CSMD1: variants seen among roughly 807,000 people sequenced by gnomAD.
CSMD1 encodes CUB and sushi domain-containing protein 1.
Under a neutral mutation model 417.5 loss-of-function variants are expected in CSMD1, and 213 were observed. The ratio of observed to expected loss-of-function variants is 0.51; its 90% CI spans 0.46 to 0.57. The LOEUF is 0.57. Among genes scored for constraint, CSMD1 ranks in the 20% least tolerant of loss-of-function variants. The pLI is 0.00. For missense variants in CSMD1, 6,923 were observed against 4,529.7 expected (o/e 1.53, Z -15.17); for synonymous variants, 2,862 against 1,736.8 (o/e 1.65, Z -16.11).
At chr8:3,951,229 G>A (rs1184604409) in intron 5 of CSMD1, among the ~76,000 whole-genome samples, 3 of 152,142 alleles carry the variant, frequency 2.0e-5, no homozygotes, top group Admixed American at 6.5e-5. Context: ...CTGCACAGGC[G>A]GGCACGGGTC....
intron 3 of CSMD1, among the ~76,000 whole-genome samples, chr8:4,285,261 T>G (rs1282774688): frequency 6.6e-6 from 1 of 152,222 alleles, no homozygotes; most frequent in African/African-American, 2.4e-5. Flanking sequence ...GACTGTAGCC[T>G]TAAATGCCAT....
intron 49 of CSMD1, among the ~76,000 whole-genome samples, chr8:3,074,773 G>C (rs1393134804): frequency 6.6e-6 from 1 of 151,972 alleles, no homozygotes; most frequent in African/African-American, 2.4e-5. Flanking sequence ...TATAATTTTT[G>C]GATATAAAAT....
chr8:4,165,817 C>T (rs113911780), intron 3 of CSMD1, among the ~76,000 whole-genome samples: 43 of 152,220 alleles, frequency 2.8e-4, no homozygotes, highest in African/African-American at 1.0e-3. Context: ...GTCACTCTTA[C>T]TAGGTTGTTG....
In CSMD1 at chr8:3,142,535, C is replaced by T. The variant is rs765416134; in HGVS notation, c.6171G>A (p.Thr2057=). The stretch of plus-strand genomic sequence containing the variant: ...TATAAAAGTGGATGAGGGTTTCATG[C>T]GTTGTGCTCAGCAGGGCCGCGGGGA... ...TDLPAALLST[T]HETLIHFYSD... is the part of the protein sequence containing the mutation. The change falls in exon 41 of 70, where the codon ACG becomes ACA. Residue 2057 remains threonine, a synonymous_variant. Transcript: ENST00000635120. The T allele has an allele frequency of 1.2e-6, 2 of 1,613,892 alleles. No homozygotes were observed. Among genetic ancestry groups the T allele is most frequent in the Admixed American group, 3.3e-5 (2 of 60,008 alleles).
intron 5 of CSMD1, among the ~76,000 whole-genome samples, chr8:3,935,284 T>C (rs1584993969): frequency 1.3e-5 from 2 of 152,346 alleles, no homozygotes; most frequent in East Asian, 3.9e-4. Flanking sequence ...ATAGATACTG[T>C]ATTTGATACA....
chr8:3,176,911 T>G (rs1387659075), intron 37 of CSMD1, among the ~76,000 whole-genome samples: 3 of 151,796 alleles, frequency 2.0e-5, no homozygotes, highest in African/African-American at 4.8e-5. Context: ...CCTGTGTAGG[T>G]GGGACTACAG....
chr8:4,418,216 C>T (rs1370150873), intron 3 of CSMD1, among the ~76,000 whole-genome samples: 1 of 152,044 alleles, frequency 6.6e-6, no homozygotes, highest in African/African-American at 2.4e-5. Flanking sequence ...ACCACAAAAT[C>T]ATTTTCTACA....
intron 2 of CSMD1, among the ~76,000 whole-genome samples, chr8:4,444,664 G>C (rs941802072): frequency 1.3e-5 from 2 of 152,188 alleles, no homozygotes; most frequent in African/African-American, 2.4e-5. Flanking sequence ...GATTGTAATT[G>C]TGATGACATG....
Position 3,087,225 on chromosome 8 carries a change from C to A in CSMD1, c.7346G>T (p.Gly2449Val), listed in dbSNP as rs768668221. The part of the protein sequence containing the change: ...KNGGILNRTA[G>V]AVGSKVHYFC... ...ATAATGCACTTTGCTTCCAACCGCT[C>A]CTGCAGTCCTGTTTAGAATACCCCC... is the stretch of plus-strand genomic sequence containing the variant. Residue 2449 changes from glycine to valine, a missense_variant, in exon 49 of 70, where the codon GGA (glycine) becomes GTA (valine). By Grantham distance (109) the Gly-to-Val change is moderately radical (BLOSUM62 -3). Transcript: ENST00000635120. The A allele has an allele frequency of 1.2e-6, 2 of 1,613,936 alleles. No individual in the cohort carries two copies. The highest frequency in any genetic ancestry group is 1.7e-6 in the Non-Finnish European group (2 of 1,179,854).
At chr8:4,212,639 T>C (rs553478804) in intron 3 of CSMD1, among the ~76,000 whole-genome samples, 5 of 152,166 alleles carry the variant, frequency 3.3e-5, no homozygotes, top group East Asian at 3.9e-4. Flanking sequence ...ACTGCCACCA[T>C]GTTATCAGTA....
At chr8:3,966,906 T>C (rs1437322750) in intron 5 of CSMD1, among the ~76,000 whole-genome samples, 1 of 152,228 alleles carries the variant, frequency 6.6e-6, no homozygotes. Flanking sequence ...ATGACTTGAA[T>C]GCCGATGAAT....
chr8:4,278,354 A>T (rs568115551), intron 3 of CSMD1, among the ~76,000 whole-genome samples: 6 of 152,228 alleles, frequency 3.9e-5, no homozygotes, highest in African/African-American at 1.4e-4. Flanking sequence ...CTTAAAATTC[A>T]TAAGGAAACT....
At chr8:4,287,571 T>C (rs1797128498) in intron 3 of CSMD1, among the ~76,000 whole-genome samples, 1 of 152,114 alleles carries the variant, frequency 6.6e-6, no homozygotes, top group African/African-American at 2.4e-5. Flanking sequence ...GACTAATGTC[T>C]GCAAGCTTTT....
intron 5 of CSMD1, among the ~76,000 whole-genome samples, chr8:3,944,318 T>C (rs369610504): frequency 6.6e-6 from 1 of 152,168 alleles, no homozygotes; most frequent in African/African-American, 2.4e-5. Flanking sequence ...AATTAACTTT[T>C]GCATAATGCC....
At chr8:4,340,358 C>T (rs894432609) in intron 3 of CSMD1, among the ~76,000 whole-genome samples, 1 of 151,930 alleles carries the variant, frequency 6.6e-6, no homozygotes, top group Admixed American at 6.6e-5. Flanking sequence ...GCTGCTACAC[C>T]CTAGTTAAAA....
Position 4,964,501 on chromosome 8 carries a change from C to CAAAAAA in CSMD1, c.85+29830_85+29831insTTTTTT, listed in dbSNP as rs768264857. ...ATCACAACACAGCAAGACCCTGTCT[C>CAAAAAA]CAAAAAAAAAAAAAAAAAAAAAAAG... On this transcript the variant is annotated intron_variant, in intron 1 of 69. Coordinates refer to ENST00000635120, the MANE Select transcript of CSMD1 (RefSeq NM_033225.6). Among the ~76,000 whole-genome samples, 31 of 81,024 alleles carry CAAAAAA rather than the reference C, an allele frequency of 3.8e-4. 7 individuals carry two copies. The highest frequency in any genetic ancestry group is 0.013 in the Middle Eastern group (1 of 80). 53.2% of individuals were successfully genotyped at this position (81,024 alleles called of 152,430 possible). A position where few individuals can be genotyped will look rare whatever the true frequency, so the allele number is the denominator to read the frequency against.
At chr8:3,434,113 G>C (rs1465546431) in intron 12 of CSMD1, among the ~76,000 whole-genome samples, 1 of 152,174 alleles carries the variant, frequency 6.6e-6, no homozygotes, top group Non-Finnish European at 1.5e-5. Flanking sequence ...AGTAACCTTA[G>C]AATTATATAA....
At chr8:4,822,432 T>C (rs1799574457) in intron 1 of CSMD1, among the ~76,000 whole-genome samples, 1 of 152,060 alleles carries the variant, frequency 6.6e-6, no homozygotes, top group Non-Finnish European at 1.5e-5. Context: ...CTATATGCCT[T>C]TAAGAGGATT....
At chr8:3,723,755 A>T (rs542441956) in intron 6 of CSMD1, among the ~76,000 whole-genome samples, 1 of 152,334 alleles carries the variant, frequency 6.6e-6, no homozygotes, top group East Asian at 1.9e-4. Context: ...AGATACAGAC[A>T]CTAACATTTG....
Sources: allele counts gnomAD v4.1 joint callset (sites outside exome capture counted in the v4.1 genomes callset), GRCh38; gene constraint gnomAD v4.1.1; transcripts MANE v1.5; gene names NCBI Gene and HGNC (gene_info 2026-07-23, HGNC 2026-07-21).